Variants in PIF1 observed in about 807,000 individuals in gnomAD.
The protein encoded by PIF1 is ATP-dependent DNA helicase PIF1.
A neutral mutation model predicts 62.3 loss-of-function variants in PIF1; 67 were observed. The ratio of observed to expected loss-of-function variants is 1.08; its 90% confidence interval spans 0.88 to 1.32. The LOEUF (loss-of-function observed/expected upper bound fraction) is 1.32, where lower values mean the gene tolerates loss of function less well. PIF1 is among the 40% of genes most tolerant of loss of function. The pLI, the probability that PIF1 is intolerant of heterozygous loss-of-function variation, is 0.00. For synonymous variants in PIF1, 364 were observed against 379.5 expected (o/e 0.96, Z 0.47); for missense variants, 886 against 866.1 (o/e 1.02, Z -0.29).
chr15:64,826,971 A>G (rs1366852489), upstream of PIF1, among the ~76,000 whole-genome samples: 1 of 151,724 alleles, frequency 6.6e-6, no homozygotes, highest in Non-Finnish European at 1.5e-5. Flanking sequence ...CAAACATTGA[A>G]CCCAGATTAC....
intron 2 of PIF1, 88 bp from the exon 3 acceptor site, chr15:64,822,698 G>C (rs955918329): frequency 6.4e-7 from 1 of 1,562,626 alleles, no homozygotes; most frequent in South Asian, 1.2e-5. Context: ...TGCTGGGCCT[G>C]GTAACCCTTT....
At position 64,821,417 on chromosome 15, in the gene PIF1, C is replaced by T. The variant is rs2084285876; in HGVS notation, c.921G>A (p.Glu307=). 2 of 1,614,104 alleles carry T rather than the reference C, an allele frequency of 1.2e-6. No homozygotes were observed. The highest frequency in any genetic ancestry group is 2.7e-5 in the African/African-American group (2 of 74,948). Residue 307 remains glutamate (E), a synonymous_variant, in exon 5 of 13, where the codon GAG becomes GAA. Transcript: ENST00000559239. ...WLNCQRLVID[E]ISMVEADLFD... ...ACAGGTCTGCCTCCACCATTGAGATCTCGTCAATGACCAACCGCTGGCAGT... is the reference window on the plus strand; with the variant it reads ...ACAGGTCTGCCTCCACCATTGAGATTTCGTCAATGACCAACCGCTGGCAGT...
At chr15:64,818,223 C>G in intron 10 of PIF1, 34 bp downstream of exon 10, 1 of 1,612,748 alleles carries the variant, frequency 6.2e-7, no homozygotes, top group Non-Finnish European at 8.5e-7. Flanking sequence ...TGCAAAGCCC[C>G]GTAGCAGGAC....
In PIF1 at chr15:64,821,250, C is replaced by A; in HGVS notation, c.1003G>T (p.Gly335Trp). The A allele has an allele frequency of 6.2e-7, 1 of 1,614,230 alleles. No homozygotes were observed. The highest frequency in any genetic ancestry group is 2.2e-5 in the East Asian group (1 of 44,882). The change falls in exon 6 of 13, where the codon GGG becomes TGG. Residue 335 changes from glycine (G) to tryptophan (W), a missense_variant. Gly to Trp is a radical substitution (Grantham distance 184). Coordinates refer to ENST00000559239, the MANE Select transcript of PIF1 (RefSeq NM_001286496.2). ...AVRQQNKPFGGIQLIICGDFL... is the reference protein window; with the variant it reads ...AVRQQNKPFGWIQLIICGDFL... ...TCCCCACAGATGATGAGCTGGATCC[C>A]TCCGAATGGCTTGTTCTGCTGCCGG...
chr15:64,819,149 T>A lies in PIF1; in HGVS notation c.1408A>T (p.Ser470Cys). ...CCCAGCTTTAGTTGAAGGAGCTGGC[T>A]AACAGGACACTGGGCATCCAGGGTA... ...ASTLDAQCPV[S>C]QLLQLKLGAQ... Residue 470 changes from serine to cysteine, a missense_variant, in exon 9 of 13, where the codon AGC becomes TGC. Ser to Cys is a moderately radical substitution (Grantham distance 112). Transcript: ENST00000559239. 1 of 1,598,844 alleles carries A rather than the reference T, an allele frequency of 6.3e-7. No homozygotes were observed. Among genetic ancestry groups the A allele is most frequent in the East Asian group, 2.3e-5 (1 of 43,892 alleles).
At chr15:64,818,193 C>A (rs1261485056) in intron 10 of PIF1, 64 bp downstream of exon 10, 2 of 1,609,838 alleles carry the variant, frequency 1.2e-6, no homozygotes, top group Non-Finnish European at 8.5e-7. Context: ...TTTCTCCCCC[C>A]ACCATTCCCG....
At chr15:64,826,673 CACACACAT>C (rs1567090350), upstream of PIF1, among the ~76,000 whole-genome samples, 7 of 87,814 alleles carry the variant, frequency 8.0e-5, no homozygotes, top group Admixed American at 1.1e-4. Context: ...TATACACACA[CACACACAT>C]ATATACACAC....
At chr15:64,822,775 G>A (rs564986243) in intron 2 of PIF1, among the ~76,000 whole-genome samples, 165 bp from the exon 3 acceptor site, 1 of 152,124 alleles carries the variant, frequency 6.6e-6, no homozygotes, top group East Asian at 1.9e-4. Flanking sequence ...CAACTATTGG[G>A]GTCCCGATCT....
chr15:64,823,772 C>A lies in PIF1; in HGVS notation c.558+6G>T. 7.6e-7 allele frequency: 1 copy of A among 1,318,530 alleles called. No individual in the cohort carries two copies. Among genetic ancestry groups the A allele is most frequent in the Non-Finnish European group, 9.8e-7 (1 of 1,024,236 alleles). The allele number at this position is 1,318,530 out of a possible 1,614,324, so 81.7% of individuals were successfully genotyped here. A position where few individuals can be genotyped will look rare whatever the true frequency, so the allele number is the denominator to read the frequency against. Reference sequence around the variant, plus strand: ...CCTAAAGGTGTCCCTTCTTTCCCGTCCTCACTGTGCTAGGCTCGGCCCCAG... The same window carrying A: ...CCTAAAGGTGTCCCTTCTTTCCCGTACTCACTGTGCTAGGCTCGGCCCCAG... On this transcript the variant is annotated splice_donor_region_variant and intron_variant, in intron 2 of 12. Coordinates refer to ENST00000559239, the MANE Select transcript of PIF1 (RefSeq NM_001286496.2).
intron 8 of PIF1, 123 bp from the exon 9 acceptor site, chr15:64,819,346 T>A: frequency 1.4e-6 from 1 of 704,536 alleles, no homozygotes; most frequent in Non-Finnish European, 2.3e-6. Flanking sequence ...AGTTTCGCTC[T>A]GTTGCCCAGA....
chr15:64,818,898 C>G (rs2084237109), intron 9 of PIF1: 1 of 446,034 alleles, frequency 2.2e-6, no homozygotes, highest in African/African-American at 2.1e-5. Flanking sequence ...GAAATTTGCC[C>G]AAAACAACAC....
In PIF1 at chr15:64,816,241, G is replaced by A. The variant is rs182188805; in HGVS notation, c.*57C>T. ...TTCCCTGGGGCCCTGGGCCACTAGG[G>A]AGCAGGAGGACGGGGAGGCCACAGG... is the stretch of plus-strand genomic sequence containing the variant. On this transcript the variant is annotated 3_prime_UTR_variant, in exon 13 of 13. Coordinates refer to ENST00000559239, the MANE Select transcript of PIF1 (RefSeq NM_001286496.2). 4.2e-3 allele frequency: 6,700 copies of A among 1,610,092 alleles called. 33 individuals carry two copies. The highest frequency in any genetic ancestry group is 4.5e-3 in the South Asian group (407 of 90,488).
At position 64,815,991 on chromosome 15, in the gene PIF1, C is replaced by G; in HGVS notation, c.*307G>C. 6.6e-7 allele frequency: 1 copy of G among 1,511,570 alleles called. No homozygotes were observed. Among genetic ancestry groups the G allele is most frequent in the South Asian group, 1.3e-5 (1 of 78,468 alleles). The allele number at this position is 1,511,570 out of a possible 1,614,324, so 93.6% of individuals were successfully genotyped here. Reference sequence around the variant, plus strand: ...CAGGACTCTGCAGCTCTGTGTCCAGCCCTTGCAGAGAGCTTTGTCCTCTGA... The same window carrying G: ...CAGGACTCTGCAGCTCTGTGTCCAGGCCTTGCAGAGAGCTTTGTCCTCTGA... On this transcript the variant is annotated 3_prime_UTR_variant, in exon 13 of 13. Coordinates refer to ENST00000559239, the MANE Select transcript of PIF1 (RefSeq NM_001286496.2).
chr15:64,819,305 T>C, intron 8 of PIF1, 82 bp from the exon 9 acceptor site: 2 of 893,644 alleles, frequency 2.2e-6, no homozygotes, highest in Non-Finnish European at 3.4e-6. Flanking sequence ...TTTTAAATTT[T>C]AATTTAATTT....
chr15:64,823,121 T>A, intron 2 of PIF1: 6 of 163,076 alleles, frequency 3.7e-5, no homozygotes, highest in Non-Finnish European at 6.6e-5. Flanking sequence ...GCTTCAACTG[T>A]TGGCTGCCCA....
chr15:64,823,894 CG>C lies in PIF1; in HGVS notation c.441del (p.Phe147LeufsTer26). 7.2e-7 allele frequency: 1 copy of C among 1,381,104 alleles called. No individual in the cohort carries two copies. The highest frequency in any genetic ancestry group is 1.9e-5 in the South Asian group (1 of 53,956). 85.6% of individuals were successfully genotyped at this position (1,381,104 alleles called of 1,614,324 possible). The stretch of plus-strand genomic sequence containing the variant: ...TCGGGCTGCACAGGGCTGATGGTGA[CG>C]AAGTCGCGGGGCCGCGGGCCCAGCA... ...AQLLGPRPRD[F>X]VTISPVQPEE... On this transcript the variant is annotated frameshift_variant, in exon 2 of 13. Transcript: ENST00000559239. LOFTEE classifies it high-confidence loss of function.
In PIF1 at chr15:64,821,248, C is replaced by G; in HGVS notation, c.1005G>C (p.Gly335=). ...AVRQQNKPFG[G]IQLIICGDFL... is the part of the protein sequence containing the mutation. ...AGTCCCCACAGATGATGAGCTGGAT[C>G]CCTCCGAATGGCTTGTTCTGCTGCC... is the stretch of plus-strand genomic sequence containing the variant. The change falls in exon 6 of 13, where the codon GGG becomes GGC. Residue 335 remains glycine (G), a synonymous_variant. Transcript: ENST00000559239. 6.2e-7 allele frequency: 1 copy of G among 1,614,234 alleles called. No individual in the cohort carries two copies.
At chr15:64,816,553 C>T (rs1028028698) in intron 12 of PIF1, 21 bp downstream of exon 12, 1 of 1,611,754 alleles carries the variant, frequency 6.2e-7, no homozygotes, top group African/African-American at 1.3e-5. Flanking sequence ...CACAGCCCAC[C>T]ACTGGATGAC....
chr15:64,826,471 G>GCT (rs1379787192), upstream of PIF1, among the ~76,000 whole-genome samples: 1 of 150,422 alleles, frequency 6.6e-6, no homozygotes, highest in Non-Finnish European at 1.5e-5. Flanking sequence ...TGTCGCCCAG[G>GCT]CTGTAGTGGA....
Sources: allele counts gnomAD v4.1 joint callset (sites outside exome capture counted in the v4.1 genomes callset), GRCh38; gene constraint gnomAD v4.1.1; transcripts MANE v1.5; gene names NCBI Gene and HGNC (gene_info 2026-07-23, HGNC 2026-07-21).